Variants in CYTH4 observed in about 807,000 individuals in gnomAD.
CYTH4 encodes the protein cytohesin 4, also known as cytohesin-4.
Under a neutral mutation model 57.5 loss-of-function variants are expected in CYTH4, and 22 were observed. That is an observed-to-expected ratio of 0.38 (90% CI 0.27 to 0.55). The LOEUF (loss-of-function observed/expected upper bound fraction) is 0.55, where lower values mean the gene tolerates loss of function less well. CYTH4 is among the 20% of genes least tolerant of loss of function. The pLI, the probability that CYTH4 is intolerant of heterozygous loss-of-function variation, is 0.74. For missense variants in CYTH4, 420 were observed against 535.6 expected, an observed-to-expected ratio of 0.78 and a Z score of 2.13; for synonymous variants, 186 against 206.5, an observed-to-expected ratio of 0.90 and a Z score of 0.85.
intron 6 of CYTH4, among the ~76,000 whole-genome samples, chr22:37,300,683 C>T (rs918006806): frequency 2.6e-5 from 4 of 152,222 alleles, no homozygotes; most frequent in African/African-American, 4.8e-5. Context: ...CAGAGCGGGG[C>T]GTGTGCTTAG....
chr22:37,293,968 C>G (rs865938682), intron 2 of CYTH4, among the ~76,000 whole-genome samples: 1 of 151,564 alleles, frequency 6.6e-6, no homozygotes. Context: ...GCTGCCTGTG[C>G]GTGGTGTCCC....
At chr22:37,282,687 C>A in intron 1 of CYTH4, 99 bp downstream of exon 1, 1 of 1,089,406 alleles carries the variant, frequency 9.2e-7, no homozygotes, top group Non-Finnish European at 1.3e-6. Flanking sequence ...AGGAATACAG[C>A]GCAGGTGGGA....
chr22:37,303,198 G>A (rs1483964871), intron 7 of CYTH4, 56 bp from the exon 8 acceptor site: 6 of 1,606,842 alleles, frequency 3.7e-6, no homozygotes, highest in Middle Eastern at 1.7e-4. Context: ...AAGGGGCCGG[G>A]ACAGAGGCAG....
rs546291619 is a variant in CYTH4 at position 37,283,748 on chromosome 22, T to G, written c.19+1160T>G. Among the ~76,000 whole-genome samples, 3 of 152,200 alleles carry G rather than the reference T, an allele frequency of 2.0e-5. No individual in the cohort carries two copies. In the East Asian group the frequency reaches 5.8e-4, roughly 29 times the overall value. On this transcript the variant is annotated intron_variant, in intron 1 of 12. Transcript: ENST00000248901. ...TCCAGGGCTCACTCTGACCCCTGCC[T>G]CTCCCATGGGCTTTGGGGGCTCCCA...
At chr22:37,297,012 T>C (rs886610933) in intron 4 of CYTH4, among the ~76,000 whole-genome samples, 2 of 152,146 alleles carry the variant, frequency 1.3e-5, no homozygotes, top group Non-Finnish European at 2.9e-5. Flanking sequence ...CAGATTTAAA[T>C]GTGACAGGCA....
rs537630172 is a variant in CYTH4, at chr22:37,308,460, ATAAG to A, written c.697-750_697-747del. The stretch of plus-strand genomic sequence containing the variant: ...TGCATGTGTGTGAGTGTGCATGTAT[ATAAG>A]TGTGTGTGTATGTGTGTACGTGTGC... On this transcript the variant is annotated intron_variant, in intron 8 of 12. Coordinates refer to ENST00000248901, the MANE Select transcript of CYTH4 (RefSeq NM_013385.5). 3.5e-3 allele frequency among the ~76,000 whole-genome samples: 520 copies of A among 147,306 alleles called. 5 individuals are homozygous for A. The highest frequency in any genetic ancestry group is 0.013 in the African/African-American group (476 of 37,872).
intron 7 of CYTH4, among the ~76,000 whole-genome samples, chr22:37,302,370 G>A (rs1929215220): frequency 1.3e-5 from 2 of 152,170 alleles, no homozygotes; most frequent in African/African-American, 4.8e-5. Flanking sequence ...TCTTAATTTT[G>A]TAATGTTGGG....
At chr22:37,309,463 C>T (rs1233426222) in intron 9 of CYTH4, 140 bp downstream of exon 9, 2 of 725,172 alleles carry the variant, frequency 2.8e-6, no homozygotes, top group Admixed American at 4.8e-5. Context: ...AGTTGGACAG[C>T]CCCAGGTCTC....
chr22:37,311,882 G>A lies in CYTH4; in HGVS notation c.958-138G>A. The stretch of plus-strand genomic sequence containing the variant: ...CACAGAGAGAGTGCTCAGTGTGGGA[G>A]CAGCAGCTCCTGCCCCTTCGCCTGT... On this transcript the variant is annotated intron_variant, in intron 11 of 12. Coordinates refer to ENST00000248901, the MANE Select transcript of CYTH4 (RefSeq NM_013385.5). This position sits in a 1 kb window ranked among gnomAD's most constrained non-coding sequence, Gnocchi z 4.4. 9.1e-7 allele frequency: 1 copy of A among 1,101,250 alleles called. No homozygotes were observed. The highest frequency in any genetic ancestry group is 1.6e-5 in the South Asian group (1 of 62,598). 68.2% of individuals were successfully genotyped at this position (1,101,250 alleles called of 1,614,324 possible).
intron 9 of CYTH4, among the ~76,000 whole-genome samples, chr22:37,310,572 G>A (rs903553652): frequency 1.3e-5 from 2 of 152,198 alleles, no homozygotes; most frequent in African/African-American, 4.8e-5. Context: ...CTCTTCATAC[G>A]TGGTTGTGAG....
intron 1 of CYTH4, among the ~76,000 whole-genome samples, chr22:37,283,998 A>G (rs1430470255): frequency 1.3e-5 from 2 of 152,028 alleles, no homozygotes; most frequent in African/African-American, 4.8e-5. Flanking sequence ...CATGTTGCAG[A>G]TAAGGAAACT....
intron 8 of CYTH4, among the ~76,000 whole-genome samples, chr22:37,306,245 C>T (rs1357481461): frequency 4.1e-5 from 6 of 147,846 alleles, no homozygotes; most frequent in East Asian, 3.9e-4. Flanking sequence ...CTCCACTCTC[C>T]GGTGTTACAG....
chr22:37,283,537 C>G (rs951494477), intron 1 of CYTH4, among the ~76,000 whole-genome samples: 5 of 152,064 alleles, frequency 3.3e-5, no homozygotes, highest in Non-Finnish European at 7.4e-5. Context: ...AGCAGCCTGG[C>G]CCCGCCCACT....
chr22:37,313,753 C>A lies in CYTH4; in HGVS notation c.*242C>A. 1 of 551,554 alleles carries A rather than the reference C, an allele frequency of 1.8e-6. No individual in the cohort carries two copies. Among genetic ancestry groups the A allele is most frequent in the Non-Finnish European group, 3.3e-6 (1 of 307,574 alleles). The allele number at this position is 551,554 out of a possible 1,614,324, so 34.2% of individuals were successfully genotyped here. On this transcript the variant is annotated 3_prime_UTR_variant, in exon 13 of 13. Coordinates refer to ENST00000248901, the MANE Select transcript of CYTH4 (RefSeq NM_013385.5). ...GGGCACCCAGCTGCAGGCCCCTGCC[C>A]TACGTGCACTACAGGAAGGGGTGAG...
chr22:37,301,043 A>G, intron 7 of CYTH4, 24 bp downstream of exon 7: 1 of 1,596,280 alleles, frequency 6.3e-7, no homozygotes, highest in Non-Finnish European at 8.6e-7. Flanking sequence ...AGTGGGACCC[A>G]GGGCTCCGGG....
Position 37,314,283 on chromosome 22 carries a change from C to T in CYTH4, c.*772C>T, listed in dbSNP as rs1276225130. ...GCGGAGCCCAGGCTGACTCCGGATT[C>T]AACGTTGCTGGGGAGAGAAAAGCAG... On this transcript the variant is annotated 3_prime_UTR_variant, in exon 13 of 13. Coordinates refer to ENST00000248901, the MANE Select transcript of CYTH4 (RefSeq NM_013385.5). 2.5e-6 allele frequency: 1 copy of T among 398,706 alleles called. No homozygotes were observed. 24.7% of individuals were successfully genotyped at this position (398,706 alleles called of 1,614,324 possible).
chr22:37,296,432 A>C, intron 4 of CYTH4: 1 of 240,984 alleles, frequency 4.1e-6, no homozygotes. Context: ...CCCTGGGCTC[A>C]GGGAGGGCCA....
At chr22:37,284,623 C>T (rs192796884) in intron 1 of CYTH4, among the ~76,000 whole-genome samples, 66 of 152,222 alleles carry the variant, frequency 4.3e-4, no homozygotes, top group African/African-American at 1.4e-3. Context: ...CCTGGGGAAG[C>T]GGGGATTGGG....
At chr22:37,282,711 G>T (rs886156266) in intron 1 of CYTH4, 123 bp downstream of exon 1, 15 of 878,276 alleles carry the variant, frequency 1.7e-5, no homozygotes, top group African/African-American at 3.4e-5. Flanking sequence ...GCAGCTGCAA[G>T]AAGCAAACAT....
Sources: gnomAD v4.1 joint callset for allele counts (sites outside exome capture counted in the v4.1 genomes callset) on GRCh38, gnomAD v4.1.1 for gene constraint, Gnocchi (gnomAD v3.1) non-coding constraint, MANE v1.5 for transcripts, NCBI Gene and HGNC (gene_info 2026-07-23, HGNC 2026-07-21) for gene names.